GMPS: variants seen among roughly 807,000 people sequenced by gnomAD.
GMPS encodes GMP synthase [glutamine-hydrolyzing].
A neutral mutation model predicts 77.9 loss-of-function variants in GMPS; 15 were observed. The observed-to-expected ratio is 0.19, with a 90% CI of 0.13 to 0.30. The LOEUF (loss-of-function observed/expected upper bound fraction) is 0.30, where lower values mean the gene tolerates loss of function less well. Ranked by LOEUF, GMPS falls within the 10% of genes least tolerant of loss-of-function variation. The pLI, the probability that GMPS is intolerant of heterozygous loss-of-function variation, is 1.00. For synonymous variants in GMPS, 224 were observed against 275.9 expected, an observed-to-expected ratio of 0.81 and a Z score of 1.86; for missense variants, 590 against 838.8, an observed-to-expected ratio of 0.70 and a Z score of 3.66.
At chr3:155,870,453 G>A (rs1417322528), upstream of GMPS, 1 of 188,246 alleles carries the variant, frequency 5.3e-6, no homozygotes, top group Non-Finnish European at 1.1e-5. Context: ...CTCCTCCCAA[G>A]GGCGGGCCGC....
At chr3:155,881,519 T>G (rs1754206755) in intron 1 of GMPS, among the ~76,000 whole-genome samples, 1 of 152,184 alleles carries the variant, frequency 6.6e-6, no homozygotes, top group Admixed American at 6.6e-5. Context: ...AGAAACATCT[T>G]CACAAAGGCA....
intron 12 of GMPS, 99 bp downstream of exon 12, chr3:155,925,465 C>T: frequency 1.4e-5 from 13 of 898,468 alleles, no homozygotes; most frequent in East Asian, 5.6e-5. Flanking sequence ...AGCGCAGTGG[C>T]GTGATCTCAG....
In GMPS at chr3:155,925,319, C is replaced by T. The variant is rs2108131231; in HGVS notation, c.1513C>T (p.His505Tyr). 1 of 1,610,392 alleles carries T rather than the reference C, an allele frequency of 6.2e-7. No individual in the cohort carries two copies. The highest frequency in any genetic ancestry group is 1.1e-5 in the South Asian group (1 of 90,962). The change falls in exon 12 of 16, where the codon CAT becomes TAT. Residue 505 changes from histidine (H) to tyrosine (Y), a missense_variant. Physicochemically the swap from His to Tyr is moderately conservative, Grantham distance 83. Transcript: ENST00000496455. Reference protein sequence around the residue: ...QEKLMQITSLHSLNAFLLPIK... With the variant: ...QEKLMQITSLYSLNAFLLPIK... ...GAAGCTGATGCAAATTACCAGTCTG[C>T]ATTCACTGAATGCCTTCTTGCTGCC...
At chr3:155,921,637 A>G (rs1325032159) in intron 10 of GMPS, among the ~76,000 whole-genome samples, 3 of 152,116 alleles carry the variant, frequency 2.0e-5, no homozygotes, top group Admixed American at 2.0e-4. Flanking sequence ...ATCTTTACTG[A>G]AAAAATTAGC....
At chr3:155,898,548 C>T (rs62286838) in intron 3 of GMPS, among the ~76,000 whole-genome samples, 8,303 of 152,304 alleles carry the variant, frequency 0.055, 320 homozygotes, top group East Asian at 0.18. Context: ...ATTAATATCC[C>T]TTATAGGCCA....
chr3:155,933,580 G>A (rs1165753859), intron 13 of GMPS, among the ~76,000 whole-genome samples: 3 of 152,184 alleles, frequency 2.0e-5, no homozygotes, highest in Non-Finnish European at 4.4e-5. Flanking sequence ...TTTGGAAGGA[G>A]ACAATAAAGT....
intron 1 of GMPS, among the ~76,000 whole-genome samples, chr3:155,876,639 T>A (rs989869106): frequency 6.6e-6 from 1 of 152,238 alleles, no homozygotes; most frequent in Non-Finnish European, 1.5e-5. Flanking sequence ...AGGAGAGTCC[T>A]GGGCAGACTG....
chr3:155,890,523 G>A (rs1377215184), intron 1 of GMPS, among the ~76,000 whole-genome samples: 1 of 152,094 alleles, frequency 6.6e-6, no homozygotes, highest in Admixed American at 6.6e-5. Context: ...AAAATACTAG[G>A]AACATTGAGA....
intron 1 of GMPS, among the ~76,000 whole-genome samples, chr3:155,871,436 T>C (rs1753902555): frequency 2.0e-5 from 3 of 152,170 alleles, no homozygotes; most frequent in African/African-American, 7.2e-5. Flanking sequence ...CGAGGCCCGC[T>C]CCATTCCCCC....
chr3:155,932,881 A>T (rs1263657517), intron 13 of GMPS, among the ~76,000 whole-genome samples: 1 of 152,190 alleles, frequency 6.6e-6, no homozygotes, highest in Non-Finnish European at 1.5e-5. Flanking sequence ...ATGCTGAAAA[A>T]TAGAATTATT....
chr3:155,925,497 T>C (rs1755432550), intron 12 of GMPS, 131 bp downstream of exon 12: 1 of 582,928 alleles, frequency 1.7e-6, no homozygotes, highest in Admixed American at 3.3e-5. Flanking sequence ...CTCCGCCTCC[T>C]GGGTTCAAGC....
At chr3:155,901,712 CTTAAAG>C (rs999851061) in intron 3 of GMPS, among the ~76,000 whole-genome samples, 6 of 151,506 alleles carry the variant, frequency 4.0e-5, no homozygotes, top group Non-Finnish European at 8.8e-5. Context: ...ACGTTGTAGT[CTTAAAG>C]TTAATTTTCC....
intron 5 of GMPS, among the ~76,000 whole-genome samples, chr3:155,908,763 T>C (rs575564060): frequency 9.2e-5 from 14 of 152,342 alleles, no homozygotes; most frequent in African/African-American, 3.4e-4. Context: ...GTTTGCATAT[T>C]AAATTCAAGA....
At position 155,931,867 on chromosome 3, in the gene GMPS, CACA is replaced by C. The variant is rs745312929; in HGVS notation, c.1666_1668del (p.Asn556del). On this transcript the variant is annotated inframe_deletion, in exon 13 of 16. Transcript: ENST00000496455. ...GGCTAGGCTTATACCTCGCATGTGTCACAACGTTAACAGGTGTGTTTCACAGGA... is the reference window on the plus strand; with the variant it reads ...GGCTAGGCTTATACCTCGCATGTGTCACGTTAACAGGTGTGTTTCACAGGA... 1 of 1,512,968 alleles carries C rather than the reference CACA, an allele frequency of 6.6e-7. No homozygotes were observed. Among genetic ancestry groups the C allele is most frequent in the Non-Finnish European group, 9.2e-7 (1 of 1,088,646 alleles). 93.7% of individuals were successfully genotyped at this position (1,512,968 alleles called of 1,614,324 possible).
chr3:155,919,428 A>G, intron 10 of GMPS, 90 bp downstream of exon 10: 1 of 661,672 alleles, frequency 1.5e-6, no homozygotes, highest in Non-Finnish European at 2.7e-6. Context: ...ATAATCTGTC[A>G]TCTCAGGGAA....
intron 1 of GMPS, 137 bp from the exon 2 acceptor site, chr3:155,893,381 T>C (rs1754521160): frequency 3.4e-6 from 2 of 590,294 alleles, no homozygotes; most frequent in South Asian, 4.8e-5. Context: ...AAGGGGTATT[T>C]TGAATTGGTA....
intron 13 of GMPS, among the ~76,000 whole-genome samples, chr3:155,932,667 CA>C (rs548914074): frequency 3.9e-5 from 6 of 152,218 alleles, no homozygotes; most frequent in African/African-American, 1.2e-4. Flanking sequence ...AGGCAGTTAA[CA>C]ACCAAAAAGA....
chr3:155,897,183 GTTT>G (rs1754624162), intron 2 of GMPS, among the ~76,000 whole-genome samples: 1 of 152,102 alleles, frequency 6.6e-6, no homozygotes, highest in Non-Finnish European at 1.5e-5. Context: ...AAATGTTTAA[GTTT>G]TTTTGAGTGA....
intron 9 of GMPS, among the ~76,000 whole-genome samples, chr3:155,917,398 C>CT (rs967294744): frequency 6.6e-6 from 1 of 152,142 alleles, no homozygotes; most frequent in Non-Finnish European, 1.5e-5. Flanking sequence ...ACAACTCTCC[C>CT]TTTTTTCTGG....
Sources: gnomAD v4.1 joint callset for allele counts (sites outside exome capture counted in the v4.1 genomes callset) on GRCh38, gnomAD v4.1.1 for gene constraint, MANE v1.5 for transcripts, NCBI Gene and HGNC (gene_info 2026-07-23, HGNC 2026-07-21) for gene names.